Variants in HIVEP2 observed in about 807,000 individuals in gnomAD.
HIVEP2 encodes the protein transcription factor HIVEP2.
In HIVEP2, 14 loss-of-function variants were observed where a neutral mutation model predicts 180.7. That is an observed-to-expected ratio of 0.08 (90% CI 0.05 to 0.12). HIVEP2 has a LOEUF of 0.12. Among genes scored for constraint, HIVEP2 ranks in the 10% least tolerant of loss-of-function variants. HIVEP2 has a pLI of 1.00. For missense variants in HIVEP2, 2,579 were observed against 3,008.5 expected, an observed-to-expected ratio of 0.86 and a Z score of 3.34; for synonymous variants, 1,184 against 1,136.4, an observed-to-expected ratio of 1.04 and a Z score of -0.84.
intron 1 of HIVEP2, among the ~76,000 whole-genome samples, chr6:142,851,721 A>G (rs1448393729): frequency 1.3e-5 from 2 of 152,230 alleles, no homozygotes; most frequent in Non-Finnish European, 2.9e-5. Context: ...GAAGAAATCT[A>G]AATATCCTGC....
chr6:142,768,426 T>G lies in HIVEP2; in HGVS notation c.5298A>C (p.Gly1766=), dbSNP rs1775428100. The part of the protein sequence containing the change: ...KGDIHGDKDI[G]SKQTEPIRIK... ...TTCGGATTGGCTCAGTTTGTTTGGA[T>G]CCAATATCTTTATCTCCATGAATAT... The change falls in exon 6 of 10, where the codon GGA becomes GGC. Residue 1766 remains glycine, a synonymous_variant. Transcript: ENST00000367603. 4 of 1,612,826 alleles carry G rather than the reference T, an allele frequency of 2.5e-6. No individual in the cohort carries two copies. The highest frequency in any genetic ancestry group is 1.3e-5 in the African/African-American group (1 of 74,842).
chr6:142,756,785 A>G (rs767923726), intron 9 of HIVEP2, among the ~76,000 whole-genome samples: 6 of 151,668 alleles, frequency 4.0e-5, no homozygotes, highest in Non-Finnish European at 7.4e-5. Flanking sequence ...GAATAAATGG[A>G]TAAAAGATAC....
chr6:142,939,767 ATC>A (rs1279348484), intron 1 of HIVEP2, among the ~76,000 whole-genome samples: 1 of 152,178 alleles, frequency 6.6e-6, no homozygotes, highest in Non-Finnish European at 1.5e-5. Flanking sequence ...TCATCCTTTT[ATC>A]TCTGTTGCTC....
At chr6:142,891,866 A>G (rs889139864) in intron 1 of HIVEP2, among the ~76,000 whole-genome samples, 1 of 152,222 alleles carries the variant, frequency 6.6e-6, no homozygotes, top group Non-Finnish European at 1.5e-5. Context: ...TTTCTCCACA[A>G]TCGAAAAACT....
At chr6:142,819,984 T>C (rs1776982487) in intron 2 of HIVEP2, among the ~76,000 whole-genome samples, 1 of 152,062 alleles carries the variant, frequency 6.6e-6, no homozygotes. Flanking sequence ...AAATCTGTGG[T>C]GCTAATCAAG....
intron 2 of HIVEP2, among the ~76,000 whole-genome samples, chr6:142,801,142 G>A (rs1463299506): frequency 6.9e-6 from 1 of 145,028 alleles, no homozygotes; most frequent in Non-Finnish European, 1.5e-5. Flanking sequence ...CAGAAGAGAG[G>A]ACCTTTCCCA....
At chr6:142,891,549 T>A (rs1326555344) in intron 1 of HIVEP2, among the ~76,000 whole-genome samples, 1 of 152,170 alleles carries the variant, frequency 6.6e-6, no homozygotes, top group Admixed American at 6.5e-5. Context: ...TTTGGAAAGA[T>A]CTCAACTCTT....
In HIVEP2 at chr6:142,752,864, G is replaced by A; in HGVS notation, c.*243C>T. 1 of 419,622 alleles carries A rather than the reference G, an allele frequency of 2.4e-6. No homozygotes were observed. The highest frequency in any genetic ancestry group is 4.2e-6 in the Non-Finnish European group (1 of 235,680). 26.0% of individuals were successfully genotyped at this position (419,622 alleles called of 1,614,324 possible). On this transcript the variant is annotated 3_prime_UTR_variant, in exon 10 of 10. Transcript: ENST00000367603. ...AGAATATAAGCAAAGTAAAGAAAAG[G>A]CACAAACATCTGTACAATTTTAAAA...
chr6:142,902,950 G>T (rs893515691), intron 1 of HIVEP2, among the ~76,000 whole-genome samples: 10 of 152,220 alleles, frequency 6.6e-5, no homozygotes, highest in Non-Finnish European at 1.5e-5. Flanking sequence ...AGACAGGGGG[G>T]TGAGGAGACA....
At position 142,933,157 on chromosome 6, in the gene HIVEP2, C is replaced by G. The variant is rs202140929; in HGVS notation, c.-641+11942G>C. Reference sequence around the variant, plus strand: ...GAACAGGTTGCACTAAATAAGGAAGCAGTCATTTGCATGTTCCAAAAGAAC... The same window carrying G: ...GAACAGGTTGCACTAAATAAGGAAGGAGTCATTTGCATGTTCCAAAAGAAC... On this transcript the variant is annotated intron_variant, in intron 1 of 9. Transcript: ENST00000367603. Among the ~76,000 whole-genome samples the G allele has an allele frequency of 1.7e-4, 26 of 152,320 alleles. No homozygotes were observed. In the East Asian group the frequency reaches 3.5e-3, roughly 20 times the overall value.
chr6:142,803,650 T>C (rs1266273800), intron 2 of HIVEP2, among the ~76,000 whole-genome samples: 2 of 150,938 alleles, frequency 1.3e-5, no homozygotes, highest in Non-Finnish European at 2.9e-5. Context: ...AGCGCACAGA[T>C]GCTTACACTG....
intron 1 of HIVEP2, among the ~76,000 whole-genome samples, chr6:142,858,153 T>A (rs1409512145): frequency 1.3e-5 from 2 of 152,212 alleles, no homozygotes; most frequent in African/African-American, 4.8e-5. Context: ...CCCAGACATA[T>A]CATCTTATTT....
intron 1 of HIVEP2, among the ~76,000 whole-genome samples, chr6:142,874,559 A>G (rs886121960): frequency 1.3e-5 from 2 of 152,164 alleles, no homozygotes; most frequent in Non-Finnish European, 2.9e-5. Flanking sequence ...ACTATAAACC[A>G]TAGCCCTATG....
At chr6:142,838,254 C>T (rs532787117) in intron 1 of HIVEP2, among the ~76,000 whole-genome samples, 1 of 152,086 alleles carries the variant, frequency 6.6e-6, no homozygotes, top group East Asian at 1.9e-4. Context: ...TTCAAGAAAA[C>T]CTGTGTCTAG....
Position 142,938,239 on chromosome 6 carries a change from G to A in HIVEP2, c.-641+6860C>T, listed in dbSNP as rs532929730. 5.9e-5 allele frequency among the ~76,000 whole-genome samples: 9 copies of A among 152,112 alleles called. No homozygotes were observed. The South Asian group carries it at 1.2e-3, about 21-fold the overall frequency. ...CACCCCCACTCCTGCTATACCCTTC[G>A]CTTTTGCTTCACATTACACAGGCAT... On this transcript the variant is annotated intron_variant, in intron 1 of 9. Transcript: ENST00000367603.
intron 1 of HIVEP2, among the ~76,000 whole-genome samples, chr6:142,841,071 G>C (rs191189960): frequency 1.1e-3 from 160 of 151,434 alleles, no homozygotes; most frequent in Non-Finnish European, 1.9e-3. Flanking sequence ...ACTACCTTTA[G>C]GTCATAGTTC....
At chr6:142,831,145 A>G (rs1379761190) in intron 2 of HIVEP2, among the ~76,000 whole-genome samples, 2 of 152,218 alleles carry the variant, frequency 1.3e-5, no homozygotes, top group Admixed American at 6.5e-5. Flanking sequence ...GGTCCTAAGA[A>G]AAACAATTTG....
chr6:142,933,487 C>T (rs971461044), intron 1 of HIVEP2, among the ~76,000 whole-genome samples: 1 of 152,196 alleles, frequency 6.6e-6, no homozygotes, highest in Non-Finnish European at 1.5e-5. Flanking sequence ...TCATACTGCT[C>T]TCATCCTACA....
At chr6:142,868,368 T>C (rs1448362657) in intron 1 of HIVEP2, among the ~76,000 whole-genome samples, 1 of 152,202 alleles carries the variant, frequency 6.6e-6, no homozygotes, top group Non-Finnish European at 1.5e-5. Context: ...CATTCTATCA[T>C]GAGCAAAACA....
Sources: gnomAD v4.1 joint callset for allele counts (sites outside exome capture counted in the v4.1 genomes callset) on GRCh38, gnomAD v4.1.1 for gene constraint, MANE v1.5 for transcripts, NCBI Gene and HGNC (gene_info 2026-07-23, HGNC 2026-07-21) for gene names.